The following NAALADL2 variants were observed in gnomAD, a reference collection of about 807,000 sequenced individuals.
NAALADL2 encodes N-acetylated alpha-linked acidic dipeptidase like 2, also known as inactive N-acetylated-alpha-linked acidic dipeptidase-like protein 2.
Under a neutral mutation model 87.2 loss-of-function variants are expected in NAALADL2, and 76 were observed. The observed-to-expected ratio is 0.87, with a 90% CI of 0.72 to 1.05. The LOEUF (loss-of-function observed/expected upper bound fraction) is 1.05, where lower values mean the gene tolerates loss of function less well. Among genes scored for constraint, NAALADL2 ranks in the 50% least tolerant of loss-of-function variants. The probability of loss-of-function intolerance (pLI) is 0.00; values close to 1 mark genes in which losing one functional copy is unlikely to be tolerated. For missense variants in NAALADL2, 1,089 were observed against 945.8 expected (o/e 1.15, Z -1.99); for synonymous variants, 354 against 331.0 (o/e 1.07, Z -0.75).
At chr3:175,283,317 A>G (rs1754559242) in intron 4 of NAALADL2, among the ~76,000 whole-genome samples, 1 of 152,010 alleles carries the variant, frequency 6.6e-6, no homozygotes, top group South Asian at 2.1e-4. Flanking sequence ...TGCAGTTTGC[A>G]TTTTCTACCT....
chr3:174,843,556 A>C (rs1032470547), intron 3 of NAALADL2, among the ~76,000 whole-genome samples: 1 of 152,192 alleles, frequency 6.6e-6, no homozygotes, highest in African/African-American at 2.4e-5. Flanking sequence ...ATATATGCCC[A>C]GTAATGAGAT....
rs1553812240 is a variant in NAALADL2, at chr3:175,206,263, T to TATATA, written c.546-27668_546-27667insATATA. On this transcript the variant is annotated intron_variant, in intron 2 of 13. Transcript: ENST00000454872. ...AAAAAACTATATATATATATATATA[T>TATATA]TTTTTTTTTTCACTGTGTGTGTGTA... is the stretch of plus-strand genomic sequence containing the variant. Among the ~76,000 whole-genome samples, 49 of 75,714 alleles carry TATATA rather than the reference T, an allele frequency of 6.5e-4. 1 individual carries two copies. The highest frequency in any genetic ancestry group is 2.6e-3 in the African/African-American group (43 of 16,630). The allele number at this position is 75,714 out of a possible 152,430, so 49.7% of individuals were successfully genotyped here.
At chr3:174,494,355 G>A (rs1252010254) in intron 1 of NAALADL2, among the ~76,000 whole-genome samples, 3 of 151,990 alleles carry the variant, frequency 2.0e-5, no homozygotes, top group Non-Finnish European at 4.4e-5. Context: ...ACTGTAATGG[G>A]GGAGCAGCTA....
chr3:175,247,006 T>C (rs1307473181), intron 3 of NAALADL2, among the ~76,000 whole-genome samples: 1 of 152,206 alleles, frequency 6.6e-6, no homozygotes, highest in Non-Finnish European at 1.5e-5. Context: ...ATTCCCTACG[T>C]AGTAATTACA....
intron 1 of NAALADL2, among the ~76,000 whole-genome samples, chr3:174,455,419 C>T (rs1471199593): frequency 6.6e-6 from 1 of 152,100 alleles, no homozygotes. Context: ...TTGGCAGAGA[C>T]ACACACAGAA....
chr3:174,574,701 T>C (rs1715331844), intron 2 of NAALADL2, among the ~76,000 whole-genome samples: 1 of 152,134 alleles, frequency 6.6e-6, no homozygotes, highest in Non-Finnish European at 1.5e-5. Context: ...CCTTCTTCAG[T>C]CGATATTCCC....
chr3:174,905,967 GA>G (rs1402338786), intron 1 of NAALADL2, among the ~76,000 whole-genome samples: 2 of 151,862 alleles, frequency 1.3e-5, no homozygotes, highest in African/African-American at 4.8e-5. Flanking sequence ...CTAAAGTTTT[GA>G]AAAACACTGA....
At chr3:175,592,676 G>A (rs893350185) in intron 10 of NAALADL2, among the ~76,000 whole-genome samples, 3 of 148,420 alleles carry the variant, frequency 2.0e-5, no homozygotes, top group Admixed American at 1.4e-4. Context: ...ACTCATAGGT[G>A]GGAATTGAAC....
chr3:174,730,572 A>T (rs1248785186), intron 2 of NAALADL2, among the ~76,000 whole-genome samples: 1 of 152,154 alleles, frequency 6.6e-6, no homozygotes, highest in African/African-American at 2.4e-5. Context: ...TTCTATAGAG[A>T]ACTAACGGAT....
chr3:175,094,579 C>G (rs898464569), intron 1 of NAALADL2, among the ~76,000 whole-genome samples: 3 of 151,700 alleles, frequency 2.0e-5, no homozygotes, highest in African/African-American at 7.3e-5. Context: ...AGACAGAATT[C>G]AAATGCTACA....
intron 2 of NAALADL2, among the ~76,000 whole-genome samples, chr3:174,722,269 C>G (rs983621361): frequency 6.6e-6 from 1 of 152,196 alleles, no homozygotes; most frequent in Non-Finnish European, 1.5e-5. Flanking sequence ...TTTACGGAAT[C>G]CTTTTCATTT....
chr3:174,635,516 T>G (rs1560107625), intron 2 of NAALADL2, among the ~76,000 whole-genome samples: 2 of 151,776 alleles, frequency 1.3e-5, no homozygotes, highest in African/African-American at 4.8e-5. Flanking sequence ...GTTTTTTTTT[T>G]TTTTGAGATG....
intron 2 of NAALADL2, among the ~76,000 whole-genome samples, chr3:174,700,186 G>A (rs893382095): frequency 6.7e-6 from 1 of 150,126 alleles, no homozygotes; most frequent in Non-Finnish European, 1.5e-5. Context: ...TACCAAAAGT[G>A]GCTGAAAGTG....
chr3:175,388,572 A>G lies in NAALADL2; in HGVS notation c.1091-58657A>G, dbSNP rs557111334. Among the ~76,000 whole-genome samples the G allele has an allele frequency of 5.3e-5, 8 of 152,156 alleles. No individual in the cohort carries two copies. In the South Asian group the frequency reaches 1.2e-3, roughly 24 times the overall value. ...AATCTAAAGATTGTAAATAACCACC[A>G]CCCATTTTAATGTACGCACTTGATA... On this transcript the variant is annotated intron_variant, in intron 5 of 13. Transcript: ENST00000454872.
intron 11 of NAALADL2, among the ~76,000 whole-genome samples, chr3:175,720,247 A>G (rs1428812233): frequency 6.6e-6 from 1 of 152,156 alleles, no homozygotes; most frequent in Admixed American, 6.6e-5. Flanking sequence ...GTTTTTTGAA[A>G]TTATTAAATA....
chr3:175,171,780 C>A (rs1200785494), intron 2 of NAALADL2, among the ~76,000 whole-genome samples: 2 of 151,954 alleles, frequency 1.3e-5, no homozygotes, highest in African/African-American at 4.8e-5. Flanking sequence ...AACTTTAGTT[C>A]ATTTTATGTG....
chr3:175,134,847 T>A (rs76837113), intron 2 of NAALADL2, among the ~76,000 whole-genome samples: 4,500 of 152,306 alleles, frequency 0.03, 214 homozygotes, highest in African/African-American at 0.1. Context: ...ACTGATTTTT[T>A]AAAATGCCTT....
At chr3:175,759,461 G>A (rs1747712801) in intron 13 of NAALADL2, among the ~76,000 whole-genome samples, 1 of 151,582 alleles carries the variant, frequency 6.6e-6, no homozygotes, top group Non-Finnish European at 1.5e-5. Flanking sequence ...GGGTTCAAGC[G>A]ATTCTCCTGC....
intron 1 of NAALADL2, among the ~76,000 whole-genome samples, chr3:175,024,410 G>A (rs573302974): frequency 6.6e-6 from 1 of 152,150 alleles, no homozygotes; most frequent in Non-Finnish European, 1.5e-5. Context: ...CTACTGAAAT[G>A]CAAAAAGGGC....
Sources: gnomAD v4.1 joint callset for allele counts (sites outside exome capture counted in the v4.1 genomes callset) on GRCh38, gnomAD v4.1.1 for gene constraint, MANE v1.5 for transcripts, NCBI Gene and HGNC (gene_info 2026-07-23, HGNC 2026-07-21) for gene names.